LUZP2: variants seen among roughly 807,000 people sequenced by gnomAD.
The protein encoded by LUZP2 is leucine zipper protein 2.
LUZP2 carries 52 observed loss-of-function variants against 51.6 expected under a neutral mutation model. The ratio of observed to expected loss-of-function variants is 1.01; its 90% CI spans 0.81 to 1.27. The LOEUF (loss-of-function observed/expected upper bound fraction) is 1.27. Among genes scored for constraint, LUZP2 ranks in the 50% most tolerant of loss-of-function variants. LUZP2 has a pLI of 0.00. For missense variants in LUZP2, 436 were observed against 395.4 expected, an observed-to-expected ratio of 1.10 and a Z score of -0.87; for synonymous variants, 154 against 137.3, an observed-to-expected ratio of 1.12 and a Z score of -0.85.
At chr11:24,551,251 T>C (rs975682754) in intron 1 of LUZP2, among the ~76,000 whole-genome samples, 7 of 152,088 alleles carry the variant, frequency 4.6e-5, no homozygotes, top group African/African-American at 1.7e-4. Context: ...AAATATTATT[T>C]GTTAATTTAA....
At chr11:24,804,428 C>G (rs1385648107) in intron 5 of LUZP2, among the ~76,000 whole-genome samples, 1 of 152,090 alleles carries the variant, frequency 6.6e-6, no homozygotes, top group African/African-American at 2.4e-5. Flanking sequence ...GAAAAACACA[C>G]CAATTCATTT....
At chr11:24,647,154 C>G (rs1398263558) in intron 1 of LUZP2, among the ~76,000 whole-genome samples, 2 of 152,000 alleles carry the variant, frequency 1.3e-5, no homozygotes, top group African/African-American at 4.8e-5. Context: ...AGCTTATCCT[C>G]ATCACATGGC....
At chr11:24,518,645 T>A (rs1368473608) in intron 1 of LUZP2, among the ~76,000 whole-genome samples, 7 of 152,176 alleles carry the variant, frequency 4.6e-5, no homozygotes, top group Non-Finnish European at 1.0e-4. Context: ...ATTAGGGTTG[T>A]TTTCTTCTTG....
At chr11:24,515,846 C>T (rs1429045713) in intron 1 of LUZP2, among the ~76,000 whole-genome samples, 1 of 152,196 alleles carries the variant, frequency 6.6e-6, no homozygotes, top group Non-Finnish European at 1.5e-5. Flanking sequence ...TGCTCCAGAG[C>T]TCCCCTAGGG....
chr11:24,739,766 G>T (rs1778752571), intron 4 of LUZP2, among the ~76,000 whole-genome samples: 2 of 152,066 alleles, frequency 1.3e-5, no homozygotes, highest in South Asian at 4.1e-4. Flanking sequence ...TTCAGGAACA[G>T]CCTTTCCAAC....
At chr11:25,018,049 T>TTTTTTTTTTTTTTTTTTGTTTTG (rs1857211364) in intron 9 of LUZP2, among the ~76,000 whole-genome samples, 1 of 100,968 alleles carries the variant, frequency 9.9e-6, no homozygotes, top group Non-Finnish European at 2.1e-5. Flanking sequence ...TTTTTTTTTG[T>TTTTTTTTTTTTTTTTTTGTTTTG]TTTTTTTTTT....
chr11:24,660,738 A>G (rs1245608902), intron 1 of LUZP2, among the ~76,000 whole-genome samples: 1 of 152,170 alleles, frequency 6.6e-6, no homozygotes, highest in African/African-American at 2.4e-5. Context: ...CCTTTTAGTT[A>G]GTATGTTTTT....
Position 24,976,657 on chromosome 11 carries a change from C to T in LUZP2, c.589C>T (p.Leu197Phe). 6.4e-7 allele frequency: 1 copy of T among 1,564,486 alleles called. No individual in the cohort carries two copies. Among genetic ancestry groups the T allele is most frequent in the South Asian group, 1.1e-5 (1 of 87,646 alleles). The change falls in exon 8 of 12, where the codon CTT becomes TTT. Residue 197 changes from leucine to phenylalanine, a missense_variant. Leu to Phe is a conservative substitution (Grantham distance 22). Coordinates refer to ENST00000336930, the MANE Select transcript of LUZP2 (RefSeq NM_001009909.4). ...CAAAAATGAACTGGAGAAAGCAGCT[C>T]TTGACAGGGTAAGTCTACATTCATG... Reference protein sequence around the residue: ...VAKNELEKAALDRESQMKAMK... With the variant: ...VAKNELEKAAFDRESQMKAMK...
intron 1 of LUZP2, among the ~76,000 whole-genome samples, chr11:24,619,556 C>A (rs550716215): frequency 7.2e-5 from 11 of 152,132 alleles, no homozygotes; most frequent in African/African-American, 2.7e-4. Context: ...GCTTTTTAGA[C>A]CACATTATAG....
At chr11:24,870,943 T>A (rs1852052121) in intron 5 of LUZP2, among the ~76,000 whole-genome samples, 1 of 152,054 alleles carries the variant, frequency 6.6e-6, no homozygotes, top group East Asian at 1.9e-4. Context: ...GTTAACCATT[T>A]TTTTGGTAGA....
At chr11:24,999,623 C>T (rs1856619198) in intron 9 of LUZP2, among the ~76,000 whole-genome samples, 1 of 61,246 alleles carries the variant, frequency 1.6e-5, no homozygotes, top group African/African-American at 3.1e-5. Context: ...ACCTCGGCCT[C>T]CAAAGTGCTG....
At chr11:24,629,028 T>A (rs1854785169) in intron 1 of LUZP2, among the ~76,000 whole-genome samples, 1 of 152,104 alleles carries the variant, frequency 6.6e-6, no homozygotes, top group Non-Finnish European at 1.5e-5. Context: ...ATAAACAAGG[T>A]AGTTAATGCA....
intron 9 of LUZP2, among the ~76,000 whole-genome samples, chr11:25,034,083 C>T (rs1360952553): frequency 6.6e-6 from 1 of 152,148 alleles, no homozygotes; most frequent in African/African-American, 2.4e-5. Context: ...ACAGCCTCAC[C>T]ACCATCCCTT....
At chr11:25,033,079 C>T (rs770697756) in intron 9 of LUZP2, among the ~76,000 whole-genome samples, 4 of 152,054 alleles carry the variant, frequency 2.6e-5, no homozygotes, top group South Asian at 2.1e-4. Flanking sequence ...AACAAAACGC[C>T]GGGAACATTT....
chr11:24,698,303 T>C (rs1379543128), intron 1 of LUZP2, among the ~76,000 whole-genome samples: 1 of 152,292 alleles, frequency 6.6e-6, no homozygotes, highest in African/African-American at 2.4e-5. Context: ...TAATGCAGTA[T>C]TTTTACATTA....
chr11:24,909,850 T>C (rs1404575197), intron 6 of LUZP2, among the ~76,000 whole-genome samples: 1 of 152,062 alleles, frequency 6.6e-6, no homozygotes, highest in African/African-American at 2.4e-5. Flanking sequence ...TAATGATACC[T>C]GAAAATGTGG....
At chr11:24,585,972 A>G (rs1000067956) in intron 1 of LUZP2, among the ~76,000 whole-genome samples, 50 of 152,256 alleles carry the variant, frequency 3.3e-4, no homozygotes, top group African/African-American at 1.1e-3. Flanking sequence ...CATTTTTTGT[A>G]TTGATCTATA....
intron 5 of LUZP2, among the ~76,000 whole-genome samples, chr11:24,812,531 C>T (rs1386094713): frequency 1.3e-5 from 2 of 152,130 alleles, no homozygotes; most frequent in African/African-American, 4.8e-5. Flanking sequence ...GCCACTTAAC[C>T]TCTCTTTGCC....
At chr11:24,846,007 T>C (rs1356574260) in intron 5 of LUZP2, among the ~76,000 whole-genome samples, 1 of 152,238 alleles carries the variant, frequency 6.6e-6, no homozygotes, top group African/African-American at 2.4e-5. Flanking sequence ...CAATAGACAT[T>C]ATATTTTTAT....
Sources: gnomAD v4.1 joint callset for allele counts (sites outside exome capture counted in the v4.1 genomes callset) on GRCh38, gnomAD v4.1.1 for gene constraint, MANE v1.5 for transcripts, NCBI Gene and HGNC (gene_info 2026-07-23, HGNC 2026-07-21) for gene names.